The following CALM2 variants were observed in gnomAD, a reference collection of about 807,000 sequenced individuals.
The protein encoded by CALM2 is calmodulin 2.
A neutral mutation model predicts 19.8 loss-of-function variants in CALM2; 2 were observed. The observed-to-expected ratio is 0.10, with a 90% CI of 0.04 to 0.32. The LOEUF (loss-of-function observed/expected upper bound fraction) is 0.32, where lower values mean the gene tolerates loss of function less well. Among genes scored for constraint, CALM2 ranks in the 10% least tolerant of loss-of-function variants. The probability of loss-of-function intolerance (pLI) is 1.00; values close to 1 mark genes in which losing one functional copy is unlikely to be tolerated. For missense variants in CALM2, 38 were observed against 178.7 expected (o/e 0.21, Z 4.49); for synonymous variants, 51 against 52.1 (o/e 0.98, Z 0.09).
chr2:47,168,926 C>G (rs900029673), intron 2 of CALM2, among the ~76,000 whole-genome samples: 1 of 152,010 alleles, frequency 6.6e-6, no homozygotes, highest in African/African-American at 2.4e-5. Context: ...TACAGGTGCA[C>G]GCCACCATGC....
chr2:47,175,790 C>T (rs951654697), intron 1 of CALM2, among the ~76,000 whole-genome samples: 4 of 146,008 alleles, frequency 2.7e-5, no homozygotes, highest in African/African-American at 9.8e-5. Context: ...AGCGGGGCGG[C>T]GGCTCCGGGT....
intron 1 of CALM2, among the ~76,000 whole-genome samples, chr2:47,175,765 G>A (rs1395106051): frequency 2.7e-5 from 4 of 150,582 alleles, no homozygotes; most frequent in East Asian, 3.9e-4. Flanking sequence ...AGCAGCTGGA[G>A]CTCGAGCGGG....
intron 1 of CALM2, among the ~76,000 whole-genome samples, chr2:47,175,409 G>C (rs1374135183): frequency 6.6e-6 from 1 of 152,148 alleles, no homozygotes; most frequent in Admixed American, 6.5e-5. Context: ...CCGACTTTCA[G>C]AAGGCAGTCA....
chr2:47,165,239 TGAC>T (rs770591352), intron 2 of CALM2, among the ~76,000 whole-genome samples: 112 of 152,340 alleles, frequency 7.4e-4, no homozygotes, highest in Non-Finnish European at 1.5e-3. Flanking sequence ...CTTTGTAACT[TGAC>T]TACTGGGTTA....
intron 5 of CALM2, among the ~76,000 whole-genome samples, chr2:47,161,269 G>C (rs1687144705): frequency 6.6e-6 from 1 of 152,122 alleles, no homozygotes; most frequent in South Asian, 2.1e-4. Context: ...AAAGTTAGTA[G>C]ATACGATACT....
intron 2 of CALM2, among the ~76,000 whole-genome samples, chr2:47,169,073 C>T (rs1451075854): frequency 6.6e-6 from 1 of 152,126 alleles, no homozygotes; most frequent in Non-Finnish European, 1.5e-5. Context: ...TGCGCCCGGC[C>T]AACAAACTTT....
chr2:47,164,248 AAAAAG>A (rs1266951462), intron 2 of CALM2, among the ~76,000 whole-genome samples: 4 of 77,882 alleles, frequency 5.1e-5, no homozygotes, highest in East Asian at 7.5e-4. Context: ...AAAAAAAAAA[AAAAAG>A]AAGAAAAAGA....
intron 2 of CALM2, among the ~76,000 whole-genome samples, chr2:47,167,310 C>G (rs1380560556): frequency 6.6e-6 from 1 of 152,112 alleles, no homozygotes; most frequent in Non-Finnish European, 1.5e-5. Context: ...CAAACAGCAA[C>G]AACTAATGAC....
At chr2:47,164,421 G>T (rs12991318) in intron 2 of CALM2, among the ~76,000 whole-genome samples, 1 of 144,996 alleles carries the variant, frequency 6.9e-6, no homozygotes. Context: ...GTAGTCCCCC[G>T]TCTCTATTAA....
At chr2:47,176,797 C>T (rs1414906771), upstream of CALM2, 7 of 985,324 alleles carry the variant, frequency 7.1e-6, no homozygotes, top group Admixed American at 6.1e-5. Flanking sequence ...ATCGTGGCGG[C>T]GATGCGTCCC....
intron 1 of CALM2, chr2:47,176,111 C>CCCTTCCTT: frequency 5.5e-6 from 2 of 364,940 alleles, no homozygotes; most frequent in Non-Finnish European, 9.9e-6. Flanking sequence ...CTCCCTCTCT[C>CCCTTCCTT]CCTTCCTTCA....
At position 47,176,435 on chromosome 2, in the gene CALM2, A is replaced by G; in HGVS notation, c.3+6T>C. 6.2e-7 allele frequency: 1 copy of G among 1,613,110 alleles called. No homozygotes were observed. The highest frequency in any genetic ancestry group is 8.5e-7 in the Non-Finnish European group (1 of 1,179,858). Reference sequence around the variant, plus strand: ...CCCAGCGCCGGCAGCTCAGCGATGCACTCACCATGCTGCAAGCGCTACCGG... The same window carrying G: ...CCCAGCGCCGGCAGCTCAGCGATGCGCTCACCATGCTGCAAGCGCTACCGG... On this transcript the variant is annotated splice_donor_region_variant and intron_variant, in intron 1 of 5. Transcript: ENST00000272298.
chr2:47,166,151 A>G (rs889334426), intron 2 of CALM2, among the ~76,000 whole-genome samples: 19 of 152,348 alleles, frequency 1.2e-4, no homozygotes, highest in African/African-American at 4.6e-4. Flanking sequence ...TCCACCTACA[A>G]ATAGCACAAT....
chr2:47,175,131 A>G (rs1406168773), intron 1 of CALM2, among the ~76,000 whole-genome samples: 2 of 124,722 alleles, frequency 1.6e-5, no homozygotes, highest in Non-Finnish European at 3.2e-5. Context: ...GTCTGAGGTG[A>G]CCGGAAAATG....
rs751897252 is a variant in CALM2, at chr2:47,175,097, T to TTTC, written c.3+1343_3+1344insGAA. Among the ~76,000 whole-genome samples the TTTC allele has an allele frequency of 1.0e-4, 13 of 126,656 alleles. 1 individual carries two copies. The highest frequency in any genetic ancestry group is 3.1e-4 in the African/African-American group (8 of 25,516). The allele number at this position is 126,656 out of a possible 152,430, so 83.1% of individuals were successfully genotyped here. A position where few individuals can be genotyped will look rare whatever the true frequency, so the allele number is the denominator to read the frequency against. ...TCATTAGGTGTTTTTTTTTTTTTTT[T>TTTC]TCAGGAAAGAACATGATCTCCCAGT... On this transcript the variant is annotated intron_variant, in intron 1 of 5. Coordinates refer to ENST00000272298, the MANE Select transcript of CALM2 (RefSeq NM_001743.6).
chr2:47,169,020 C>T (rs930069539), intron 2 of CALM2, among the ~76,000 whole-genome samples: 3 of 152,034 alleles, frequency 2.0e-5, no homozygotes, highest in Admixed American at 1.3e-4. Context: ...TCAAGTGATC[C>T]GCCTCGGCCT....
chr2:47,170,800 A>T (rs750761541), intron 1 of CALM2, 36 bp from the exon 2 acceptor site: 8 of 1,571,604 alleles, frequency 5.1e-6, no homozygotes, highest in African/African-American at 1.3e-5. Context: ...TAGTGACTTG[A>T]GAGTATGTAG....
intron 1 of CALM2, chr2:47,172,159 T>C (rs755205724): frequency 1.2e-4 from 25 of 206,144 alleles, no homozygotes; most frequent in Non-Finnish European, 2.2e-4. Context: ...AGGAATAAGG[T>C]TTAAAATCCA....
At chr2:47,161,662 CAA>C in intron 5 of CALM2, 59 bp downstream of exon 5, 1 of 1,516,550 alleles carries the variant, frequency 6.6e-7, no homozygotes, top group Admixed American at 1.9e-5. Flanking sequence ...AGTTCCCTAA[CAA>C]AGAGCCTCTT....
Sources: gnomAD v4.1 joint callset for allele counts (sites outside exome capture counted in the v4.1 genomes callset) on GRCh38, gnomAD v4.1.1 for gene constraint, MANE v1.5 for transcripts, NCBI Gene and HGNC (gene_info 2026-07-23, HGNC 2026-07-21) for gene names.